AKAP8: variants seen among roughly 807,000 people sequenced by gnomAD.
AKAP8 encodes A-kinase anchor protein 8.
Under a neutral mutation model 67.5 loss-of-function variants are expected in AKAP8, and 24 were observed. The ratio of observed to expected loss-of-function variants is 0.36; its 90% CI spans 0.26 to 0.50. AKAP8 has a LOEUF of 0.50. Among genes scored for constraint, AKAP8 ranks in the 20% least tolerant of loss-of-function variants. The pLI is 0.97. For missense variants in AKAP8, 971 were observed against 955.9 expected (o/e 1.02, Z -0.21); for synonymous variants, 400 against 371.1 (o/e 1.08, Z -0.90).
At chr19:15,361,053 C>G (rs549245685) in intron 11 of AKAP8, 75 bp from the exon 12 acceptor site, 51 of 1,540,116 alleles carry the variant, frequency 3.3e-5, no homozygotes, top group Admixed American at 1.1e-4. Context: ...TCTGGGCCCA[C>G]GTTTTCTCCC....
Position 15,355,174 on chromosome 19 carries a change from T to G in AKAP8, c.1820A>C (p.Glu607Ala), listed in dbSNP as rs146444610. ...PESSGEPAEDEGPTDTAEAGS... is the reference protein window; with the variant it reads ...PESSGEPAEDAGPTDTAEAGS... Reference sequence around the variant, plus strand: ...GGCCTCCGCTGTGTCCGTGGGGCCTTCGTCCTCAGCCGGCTCCCCGCTGCT... The same window carrying G: ...GGCCTCCGCTGTGTCCGTGGGGCCTGCGTCCTCAGCCGGCTCCCCGCTGCT... The change falls in exon 14 of 14, where the codon GAA (glutamate) becomes GCA (alanine). Residue 607 changes from glutamate (E) to alanine (A), a missense_variant. By Grantham distance (107) the Glu-to-Ala change is moderately radical. This residue lies in a region of AKAP8 where 204 missense variants were observed against 193.0 expected (regional missense o/e 1.06). Coordinates refer to ENST00000269701, the MANE Select transcript of AKAP8 (RefSeq NM_005858.4). The G allele has an allele frequency of 1.6e-5, 26 of 1,612,364 alleles. No individual in the cohort carries two copies. Among genetic ancestry groups the G allele is most frequent in the Non-Finnish European group, 2.2e-5 (26 of 1,180,036 alleles).
rs894868307 is a variant in AKAP8 at position 15,369,446 on chromosome 19, A to G, written c.1072+700T>C. On this transcript the variant is annotated intron_variant, in intron 8 of 13. Transcript: ENST00000269701. The surrounding 1 kb of genome is among the most constrained non-coding windows in gnomAD (Gnocchi z 4.6). Reference sequence around the variant, plus strand: ...GATCCTTGGGGTAACCAGCTACGGAAAGACCCACAGGACAGGTAAAGAAAC... The same window carrying G: ...GATCCTTGGGGTAACCAGCTACGGAGAGACCCACAGGACAGGTAAAGAAAC... Among the ~76,000 whole-genome samples, 7 of 152,214 alleles carry G rather than the reference A, an allele frequency of 4.6e-5. No individual in the cohort carries two copies. The highest frequency in any genetic ancestry group is 3.9e-4 in the Admixed American group (6 of 15,280).
At chr19:15,361,656 G>C in intron 11 of AKAP8, 73 bp downstream of exon 11, 1 of 1,404,898 alleles carries the variant, frequency 7.1e-7, no homozygotes, top group Non-Finnish European at 1.0e-6. Flanking sequence ...CCGGCCTCGT[G>C]CCACGTTTTA....
chr19:15,356,559 T>C (rs1221950583), intron 13 of AKAP8, among the ~76,000 whole-genome samples: 1 of 143,246 alleles, frequency 7.0e-6, no homozygotes, highest in Non-Finnish European at 1.5e-5. Context: ...AGCTCAGGAG[T>C]TCGAGACCAG....
intron 8 of AKAP8, 174 bp from the exon 9 acceptor site, chr19:15,368,496 C>T (rs370950417): frequency 8.1e-6 from 8 of 985,208 alleles, no homozygotes; most frequent in Middle Eastern, 5.2e-4. Context: ...CTGGTGGACA[C>T]GGGCCTGGAG....
intron 9 of AKAP8, among the ~76,000 whole-genome samples, chr19:15,367,779 C>T (rs1967092911): frequency 6.6e-6 from 1 of 152,206 alleles, no homozygotes; most frequent in South Asian, 2.1e-4. Context: ...CTGTGTCAAA[C>T]TCCAGGGGTG....
At chr19:15,372,621 C>T (rs111277897) in intron 5 of AKAP8, among the ~76,000 whole-genome samples, 5 of 144,112 alleles carry the variant, frequency 3.5e-5, no homozygotes, top group African/African-American at 1.3e-4. Flanking sequence ...CTGGTGGGGG[C>T]GGGGAAGAGA....
At position 15,369,316 on chromosome 19, in the gene AKAP8, C is replaced by T. The variant is rs972259085; in HGVS notation, c.1072+830G>A. On this transcript the variant is annotated intron_variant, in intron 8 of 13. Coordinates refer to ENST00000269701, the MANE Select transcript of AKAP8 (RefSeq NM_005858.4). The surrounding 1 kb of genome is among the most constrained non-coding windows in gnomAD (Gnocchi z 4.6). ...CTATGGACAGGACTGCTGCGGGTCG[C>T]GGGGGGGAGGACCGCAGAGGGCTGG... 32 of 968,586 alleles carry T rather than the reference C, an allele frequency of 3.3e-5. No individual in the cohort carries two copies. The highest frequency in any genetic ancestry group is 5.3e-5 in the African/African-American group (3 of 56,812). The allele number at this position is 968,586 out of a possible 1,614,324, so 60.0% of individuals were successfully genotyped here.
At chr19:15,379,670 A>G in intron 1 of AKAP8, 43 bp downstream of exon 1, 1 of 1,595,554 alleles carries the variant, frequency 6.3e-7, no homozygotes. Flanking sequence ...TCGCCCGCAC[A>G]GAGCCTTCCC....
chr19:15,355,900 C>A (rs1212284434), intron 13 of AKAP8, among the ~76,000 whole-genome samples: 2 of 152,000 alleles, frequency 1.3e-5, no homozygotes, highest in Non-Finnish European at 2.9e-5. Flanking sequence ...CCACGCCCGG[C>A]TAATTTTGTA....
rs537920885 is a variant in AKAP8 at position 15,372,173 on chromosome 19, G to A, written c.991+45C>T. On this transcript the variant is annotated intron_variant, in intron 6 of 13. Coordinates refer to ENST00000269701, the MANE Select transcript of AKAP8 (RefSeq NM_005858.4). ...CAAGCAGAGCCCCCAGCAGGCAGCC[G>A]ACCCATCCTACATCTGTCTGGCCCA... The A allele has an allele frequency of 2.1e-4, 333 of 1,610,258 alleles. 2 individuals are homozygous for A. The South Asian group carries it at 3.1e-3, about 15-fold the overall frequency.
intron 2 of AKAP8, among the ~76,000 whole-genome samples, chr19:15,376,035 T>C (rs1251176751): frequency 1.3e-5 from 2 of 151,396 alleles, no homozygotes; most frequent in Non-Finnish European, 2.9e-5. Flanking sequence ...GCTCAAGCAA[T>C]CTTCCTATCT....
rs1172040918 is a variant in AKAP8 at position 15,354,604 on chromosome 19, G to A, written c.*311C>T. 8 of 343,928 alleles carry A rather than the reference G, an allele frequency of 2.3e-5. No homozygotes were observed. The highest frequency in any genetic ancestry group is 3.7e-5 in the Non-Finnish European group (7 of 189,014). 21.3% of individuals were successfully genotyped at this position (343,928 alleles called of 1,614,324 possible). A position where few individuals can be genotyped will look rare whatever the true frequency, so the allele number is the denominator to read the frequency against. On this transcript the variant is annotated 3_prime_UTR_variant, in exon 14 of 14. Coordinates refer to ENST00000269701, the MANE Select transcript of AKAP8 (RefSeq NM_005858.4). Reference sequence around the variant, plus strand: ...AAAAGGAAGCATTCCATCAGTGGCTGTATTGAACAAGTAATGTATCATCAA... The same window carrying A: ...AAAAGGAAGCATTCCATCAGTGGCTATATTGAACAAGTAATGTATCATCAA...
chr19:15,372,709 T>A (rs34474666), intron 5 of AKAP8, 142 bp downstream of exon 5: 58,999 of 1,231,172 alleles, frequency 0.048, 1,649 homozygotes, highest in Non-Finnish European at 0.057. Context: ...TGGGGATGGT[T>A]GCACAATCCT....
chr19:15,358,911 G>C (rs1966919737), intron 13 of AKAP8, 56 bp downstream of exon 13: 1 of 1,505,760 alleles, frequency 6.6e-7, no homozygotes, highest in East Asian at 2.3e-5. Flanking sequence ...CCTGCTCCTG[G>C]GGTTCATCTT....
At chr19:15,362,314 T>C in intron 9 of AKAP8, 63 bp from the exon 10 acceptor site, 2 of 1,579,276 alleles carry the variant, frequency 1.3e-6, no homozygotes, top group Non-Finnish European at 1.7e-6. Flanking sequence ...GCAGGGGGCA[T>C]CAGCTCACCT....
At chr19:15,370,103 T>G in intron 8 of AKAP8, 43 bp downstream of exon 8, 1 of 1,612,852 alleles carries the variant, frequency 6.2e-7, no homozygotes, top group Non-Finnish European at 8.5e-7. Flanking sequence ...GCGGGGCAGC[T>G]GGGAAGACAC....
At chr19:15,378,803 G>A (rs1293938215) in intron 1 of AKAP8, among the ~76,000 whole-genome samples, 2 of 152,162 alleles carry the variant, frequency 1.3e-5, no homozygotes, top group African/African-American at 4.8e-5. Context: ...GCTCCCAAAA[G>A]GCTCTGATTC....
chr19:15,368,700 G>A, intron 8 of AKAP8: 1 of 985,324 alleles, frequency 1.0e-6, no homozygotes, highest in Non-Finnish European at 1.2e-6. Flanking sequence ...CTCCCCGGAT[G>A]AAGAGGCGGC....
Sources: gnomAD v4.1 joint callset for allele counts (sites outside exome capture counted in the v4.1 genomes callset) on GRCh38, gnomAD v4.1.1 for gene constraint, gnomAD v4.1.1 regional missense constraint, Gnocchi (gnomAD v3.1) non-coding constraint, MANE v1.5 for transcripts, NCBI Gene and HGNC (gene_info 2026-07-23, HGNC 2026-07-21) for gene names.